Variants in PIAS1 observed in about 807,000 individuals in gnomAD.
PIAS1 encodes E3 SUMO-protein ligase PIAS1.
Under a neutral mutation model 71.3 loss-of-function variants are expected in PIAS1, and 6 were observed. The ratio of observed to expected loss-of-function variants is 0.08; its 90% confidence interval spans 0.05 to 0.17. PIAS1 has a LOEUF of 0.17. Ranked by LOEUF, PIAS1 falls within the 10% of genes least tolerant of loss-of-function variation. PIAS1 has a pLI of 1.00. For synonymous variants in PIAS1, 303 were observed against 292.9 expected (o/e 1.03, Z -0.35); for missense variants, 555 against 793.6 (o/e 0.70, Z 3.61).
At chr15:68,094,319 T>C (rs1423609905) in intron 2 of PIAS1, among the ~76,000 whole-genome samples, 1 of 151,848 alleles carries the variant, frequency 6.6e-6, no homozygotes, top group Non-Finnish European at 1.5e-5. Flanking sequence ...TTTGGAGATA[T>C]TTACACCTCT....
At chr15:68,119,258 A>AAAT in intron 2 of PIAS1, among the ~76,000 whole-genome samples, 1 of 146,260 alleles carries the variant, frequency 6.8e-6, no homozygotes, top group Non-Finnish European at 1.5e-5. Context: ...AAAAAAAAAA[A>AAAT]AAAAAAGTAT....
rs559480747 is a variant in PIAS1 at position 68,123,000 on chromosome 15, T to C, written c.470-18946T>C. ...TCTTGTAAGGTAAAAGCTGTTTTTT[T>C]TTTTTTAAGCCTAAATCTCAGAGTG... On this transcript the variant is annotated intron_variant, in intron 2 of 13. Coordinates refer to ENST00000249636, the MANE Select transcript of PIAS1 (RefSeq NM_016166.3). 1.5e-3 allele frequency among the ~76,000 whole-genome samples: 226 copies of C among 152,204 alleles called. 4 individuals carry two copies. Among genetic ancestry groups the C allele is most frequent in the African/African-American group, 5.2e-3 (215 of 41,538 alleles).
intron 1 of PIAS1, among the ~76,000 whole-genome samples, chr15:68,069,115 C>G (rs573241779): frequency 6.6e-6 from 1 of 150,910 alleles, no homozygotes; most frequent in East Asian, 2.0e-4. Flanking sequence ...AGGCTGGTCT[C>G]GAACTCCAGA....
At chr15:68,104,744 A>G (rs1051927957) in intron 2 of PIAS1, among the ~76,000 whole-genome samples, 1 of 152,186 alleles carries the variant, frequency 6.6e-6, no homozygotes, top group Non-Finnish European at 1.5e-5. Context: ...TGGATATCCT[A>G]GTTACCCTAA....
chr15:68,070,654 T>G (rs550611450), intron 1 of PIAS1, among the ~76,000 whole-genome samples: 1 of 152,304 alleles, frequency 6.6e-6, no homozygotes, highest in African/African-American at 2.4e-5. Context: ...TAAAACATAC[T>G]GGATTTCGAA....
rs1181885066 is a variant in PIAS1, at chr15:68,167,186, G to GTA, written c.1008+2386_1008+2387dup. ...ATTATAAAACAAAACAACTATATAT[G>GTA]TATATTGTGTGTGTGTGTGTGTGTG... On this transcript the variant is annotated intron_variant, in intron 8 of 13. Coordinates refer to ENST00000249636, the MANE Select transcript of PIAS1 (RefSeq NM_016166.3). The surrounding 1 kb of genome is among the most constrained non-coding windows in gnomAD (Gnocchi z 4.4). Among the ~76,000 whole-genome samples the GTA allele has an allele frequency of 7.4e-5, 9 of 122,164 alleles. No individual in the cohort carries two copies. Among genetic ancestry groups the GTA allele is most frequent in the Admixed American group, 4.3e-4 (5 of 11,692 alleles). The allele number at this position is 122,164 out of a possible 152,430, so 80.1% of individuals were successfully genotyped here.
intron 2 of PIAS1, among the ~76,000 whole-genome samples, chr15:68,138,199 T>C (rs7167145): frequency 0.023 from 3,426 of 152,230 alleles, 124 homozygotes; most frequent in African/African-American, 0.077. Flanking sequence ...TTCCCACTTA[T>C]GTTATTTAAC....
At chr15:68,092,210 A>G (rs1338459906) in intron 2 of PIAS1, among the ~76,000 whole-genome samples, 1 of 151,244 alleles carries the variant, frequency 6.6e-6, no homozygotes, top group African/African-American at 2.4e-5. Flanking sequence ...GTCTCGCTGT[A>G]TTGCCCAGGC....
intron 6 of PIAS1, among the ~76,000 whole-genome samples, chr15:68,150,639 C>T (rs1271452928): frequency 6.6e-6 from 1 of 152,182 alleles, no homozygotes; most frequent in Non-Finnish European, 1.5e-5. Flanking sequence ...TAACTTCTTG[C>T]TCTACCTCAG....
chr15:68,179,564 CTTTTTTTTTT>C (rs766344324), intron 11 of PIAS1, among the ~76,000 whole-genome samples: 870 of 40,120 alleles, frequency 0.022, 83 homozygotes, highest in Admixed American at 0.21. Flanking sequence ...GTGAAATGTT[CTTTTTTTTTT>C]TTTTTTTTTT....
chr15:68,137,284 A>G (rs2092740277), intron 2 of PIAS1, among the ~76,000 whole-genome samples: 1 of 152,212 alleles, frequency 6.6e-6, no homozygotes, highest in South Asian at 2.1e-4. Context: ...AACCTAAATG[A>G]CTAATCAGGG....
At chr15:68,132,476 A>G (rs558978135) in intron 2 of PIAS1, among the ~76,000 whole-genome samples, 11 of 144,126 alleles carry the variant, frequency 7.6e-5, no homozygotes, top group East Asian at 2.1e-4. Context: ...CTCTGTCTCT[A>G]AAAAAAAAAG....
intron 2 of PIAS1, among the ~76,000 whole-genome samples, chr15:68,120,359 T>A (rs553516741): frequency 6.6e-6 from 1 of 152,318 alleles, no homozygotes; most frequent in Non-Finnish European, 1.5e-5. Context: ...AAATTTACCA[T>A]CTTGGTATTT....
chr15:68,078,185 G>T (rs970972929), intron 1 of PIAS1, among the ~76,000 whole-genome samples: 2 of 152,136 alleles, frequency 1.3e-5, no homozygotes, highest in South Asian at 2.1e-4. Flanking sequence ...TTTGAAAAGT[G>T]AATGATGATT....
In PIAS1 at chr15:68,174,331, A is replaced by T. The variant is rs1056442896; in HGVS notation, c.1169+439A>T. On this transcript the variant is annotated intron_variant, in intron 9 of 13. Transcript: ENST00000249636. The surrounding 1 kb of genome is among the most constrained non-coding windows in gnomAD (Gnocchi z 4.0). ...CTGGAGATTAGATCCACCTTCAGTC[A>T]TGGTCTTCTTTTTCTTTTTTGTCTT... is the stretch of plus-strand genomic sequence containing the variant. Among the ~76,000 whole-genome samples the T allele has an allele frequency of 1.1e-4, 16 of 152,330 alleles. No homozygotes were observed. Among genetic ancestry groups the T allele is most frequent in the African/African-American group, 3.8e-4 (16 of 41,570 alleles).
At chr15:68,089,224 C>G (rs188158146) in intron 2 of PIAS1, among the ~76,000 whole-genome samples, 2 of 152,122 alleles carry the variant, frequency 1.3e-5, no homozygotes, top group East Asian at 1.9e-4. Flanking sequence ...TTCATTCTTA[C>G]GATCATTTTG....
chr15:68,141,425 A>G (rs2092769487), intron 2 of PIAS1, among the ~76,000 whole-genome samples: 3 of 152,002 alleles, frequency 2.0e-5, no homozygotes, highest in Admixed American at 2.0e-4. Context: ...AACTCATCTA[A>G]GATTAGGAGA....
At chr15:68,100,432 G>GC (rs2092413617) in intron 2 of PIAS1, among the ~76,000 whole-genome samples, 1 of 152,056 alleles carries the variant, frequency 6.6e-6, no homozygotes, top group Non-Finnish European at 1.5e-5. Context: ...ACTCTCTCTA[G>GC]CCCCAGTGGT....
At chr15:68,150,814 T>C (rs933393487) in intron 6 of PIAS1, among the ~76,000 whole-genome samples, 27 of 152,134 alleles carry the variant, frequency 1.8e-4, no homozygotes, top group African/African-American at 6.5e-4. Context: ...AGACTTCAGA[T>C]TTTCAGATTA....
Sources: gnomAD v4.1 joint callset for allele counts (sites outside exome capture counted in the v4.1 genomes callset) on GRCh38, gnomAD v4.1.1 for gene constraint, Gnocchi (gnomAD v3.1) non-coding constraint, MANE v1.5 for transcripts, NCBI Gene and HGNC (gene_info 2026-07-23, HGNC 2026-07-21) for gene names.